The following LRMDA variants were observed in gnomAD, a reference collection of about 807,000 sequenced individuals.
The protein encoded by LRMDA is leucine-rich melanocyte differentiation-associated protein.
LRMDA carries 18 observed loss-of-function variants against 29.8 expected under a neutral mutation model. The observed-to-expected ratio is 0.60, with a 90% confidence interval of 0.42 to 0.90. LRMDA has a LOEUF of 0.90. LRMDA is among the 40% of genes least tolerant of loss of function. LRMDA has a pLI of 0.00. For missense variants in LRMDA, 273 were observed against 273.9 expected (o/e 1.00, Z 0.02); for synonymous variants, 125 against 109.4 (o/e 1.14, Z -0.89).
At chr10:76,318,269 C>G (rs192836401) in intron 5 of LRMDA, 78 of 152,326 alleles carry the variant, frequency 5.1e-4, no homozygotes, top group African/African-American at 1.8e-3. Flanking sequence ...TTCTCCTCCT[C>G]CCTCCCTCCT....
At chr10:76,384,029 A>G (rs993227768) in intron 6 of LRMDA, among the ~76,000 whole-genome samples, 3 of 149,544 alleles carry the variant, frequency 2.0e-5, no homozygotes. Flanking sequence ...TTTCCATCCC[A>G]CTTCTACCTC....
rs116036829 is a variant in LRMDA at position 76,081,784 on chromosome 10, T to C, written c.516+23001T>C. Among the ~76,000 whole-genome samples, 726 of 152,330 alleles carry C rather than the reference T, an allele frequency of 4.8e-3. 5 individuals are homozygous for C. Among genetic ancestry groups the C allele is most frequent in the African/African-American group, 0.017 (706 of 41,558 alleles). The stretch of plus-strand genomic sequence containing the variant: ...TATAAAATGTGTGTATGTACACACA[T>C]ACATGCTTACCAGATGAGCACATTA... On this transcript the variant is annotated intron_variant, in intron 5 of 6. Coordinates refer to ENST00000611255, the MANE Select transcript of LRMDA (RefSeq NM_001305581.2).
intron 2 of LRMDA, among the ~76,000 whole-genome samples, chr10:75,871,416 G>C (rs1478871260): frequency 6.6e-6 from 1 of 152,202 alleles, no homozygotes; most frequent in Non-Finnish European, 1.5e-5. Context: ...ACTGATGGGG[G>C]ACTAAAGCTG....
chr10:75,815,268 T>C (rs1844038759), intron 2 of LRMDA, among the ~76,000 whole-genome samples: 1 of 152,174 alleles, frequency 6.6e-6, no homozygotes, highest in African/African-American at 2.4e-5. Context: ...ACCAGAGTTA[T>C]TTAAATATGT....
intron 2 of LRMDA, among the ~76,000 whole-genome samples, chr10:75,618,813 G>C (rs1324662458): frequency 7.7e-6 from 1 of 130,030 alleles, no homozygotes; most frequent in South Asian, 2.4e-4. Context: ...TTTCACTCTT[G>C]TTGCCCTGGC....
chr10:76,431,302 G>C (rs1277218193), intron 6 of LRMDA, among the ~76,000 whole-genome samples: 1 of 152,158 alleles, frequency 6.6e-6, no homozygotes, highest in East Asian at 1.9e-4. Context: ...CCCATAACTA[G>C]GAGCTTTTTG....
intron 5 of LRMDA, among the ~76,000 whole-genome samples, chr10:76,163,008 G>C (rs1850675240): frequency 6.6e-6 from 1 of 152,050 alleles, no homozygotes. Flanking sequence ...GTTCAGAAAA[G>C]AACAAATCAC....
chr10:76,181,168 TC>T (rs1851042278), intron 5 of LRMDA, among the ~76,000 whole-genome samples: 1 of 152,170 alleles, frequency 6.6e-6, no homozygotes, highest in African/African-American at 2.4e-5. Context: ...GACACCCTTC[TC>T]CCTTTTTGCA....
intron 5 of LRMDA, among the ~76,000 whole-genome samples, chr10:76,276,051 ATCTCTTTCTT>A (rs1395195986): frequency 5.7e-4 from 73 of 127,588 alleles, no homozygotes; most frequent in African/African-American, 1.2e-3. Flanking sequence ...CTATCTATCT[ATCTCTTTCTT>A]TCTCTCTTTC....
chr10:76,141,151 A>G (rs1013799465), intron 5 of LRMDA, among the ~76,000 whole-genome samples: 2 of 152,092 alleles, frequency 1.3e-5, no homozygotes, highest in Admixed American at 1.3e-4. Flanking sequence ...CAGCAGGCTC[A>G]AACTTTCAGA....
intron 2 of LRMDA, among the ~76,000 whole-genome samples, chr10:75,981,152 CAT>C (rs1306799828): frequency 2.6e-5 from 4 of 152,374 alleles, no homozygotes; most frequent in African/African-American, 9.6e-5. Flanking sequence ...GACTATTTCA[CAT>C]GTTACTTTCA....
chr10:75,431,696 T>C lies in LRMDA; in HGVS notation c.-29T>C, dbSNP rs976531844. On this transcript the variant is annotated 5_prime_UTR_variant, in exon 1 of 7. Transcript: ENST00000611255. ...GCTGCCGCCGCGCCCCCGCGCTCCG[T>C]CCCGCGCGCCCGCAGCGTCCTGGCC... The C allele has an allele frequency of 8.1e-5, 105 of 1,297,072 alleles. No individual in the cohort carries two copies. The highest frequency in any genetic ancestry group is 9.7e-5 in the Non-Finnish European group (100 of 1,027,546). The allele number at this position is 1,297,072 out of a possible 1,614,324, so 80.3% of individuals were successfully genotyped here. A position where few individuals can be genotyped will look rare whatever the true frequency, so the allele number is the denominator to read the frequency against.
chr10:75,636,490 T>C lies in LRMDA; in HGVS notation c.131+197996T>C, dbSNP rs779189765. Among the ~76,000 whole-genome samples, 29 of 152,348 alleles carry C rather than the reference T, an allele frequency of 1.9e-4. No homozygotes were observed. In the Middle Eastern group the frequency reaches 0.01, roughly 54 times the overall value. ...AAGCTCTCAGTAAAATATTAGCTAT[T>C]GATATCATTATCACTACTTGGGCAA... On this transcript the variant is annotated intron_variant, in intron 2 of 6. Coordinates refer to ENST00000611255, the MANE Select transcript of LRMDA (RefSeq NM_001305581.2).
rs866862232 is a variant in LRMDA, at chr10:75,858,715, T to C, written c.132-177293T>C. ...TTCTGAAAATACTATGAACTCTTAA[T>C]TGGAGAATGCTTGAAGGGAAGGTTG... On this transcript the variant is annotated intron_variant, in intron 2 of 6. Transcript: ENST00000611255. 1.2e-4 allele frequency among the ~76,000 whole-genome samples: 19 copies of C among 152,360 alleles called. No individual in the cohort carries two copies. In the Middle Eastern group the frequency reaches 0.01, roughly 82 times the overall value.
intron 4 of LRMDA, among the ~76,000 whole-genome samples, chr10:76,055,186 G>T (rs1848594161): frequency 1.3e-5 from 2 of 151,982 alleles, no homozygotes; most frequent in Admixed American, 6.6e-5. Flanking sequence ...GGTATTTGGA[G>T]GGAAGGCAGA....
chr10:76,279,656 C>A lies in LRMDA; in HGVS notation c.517-44745C>A, dbSNP rs570063020. On this transcript the variant is annotated intron_variant, in intron 5 of 6. Transcript: ENST00000611255. ...TGCCTCCCGGGTTCAAGCGATTCTC[C>A]TGCCTCAGCCTCCTGAGTAGCTGGG... Among the ~76,000 whole-genome samples, 163 of 150,548 alleles carry A rather than the reference C, an allele frequency of 1.1e-3. 1 individual carries two copies. Among genetic ancestry groups the A allele is most frequent in the African/African-American group, 3.8e-3 (156 of 40,972 alleles).
intron 2 of LRMDA, among the ~76,000 whole-genome samples, chr10:75,463,105 C>T (rs1329107231): frequency 6.6e-6 from 1 of 152,146 alleles, no homozygotes; most frequent in Non-Finnish European, 1.5e-5. Flanking sequence ...GAGGAATGCT[C>T]CTGCATCCTC....
At chr10:75,992,074 T>G (rs760892110) in intron 2 of LRMDA, among the ~76,000 whole-genome samples, 12 of 152,242 alleles carry the variant, frequency 7.9e-5, no homozygotes, top group Admixed American at 1.3e-4. Flanking sequence ...CTTTGATGCT[T>G]GTTTTCTCAT....
chr10:76,075,764 G>A (rs1163980954), intron 5 of LRMDA, among the ~76,000 whole-genome samples: 2 of 152,160 alleles, frequency 1.3e-5, no homozygotes, highest in African/African-American at 2.4e-5. Flanking sequence ...GACCTGGATG[G>A]TGCACAGTCC....
Sources: allele counts gnomAD v4.1 joint callset (sites outside exome capture counted in the v4.1 genomes callset), GRCh38; gene constraint gnomAD v4.1.1; transcripts MANE v1.5; gene names NCBI Gene and HGNC (gene_info 2026-07-23, HGNC 2026-07-21).